Variants in AK9 observed in about 807,000 individuals in gnomAD.
AK9 encodes the protein adenylate kinase 9.
AK9 carries 191 observed loss-of-function variants against 239.6 expected under a neutral mutation model. The observed-to-expected ratio is 0.80, with a 90% CI of 0.71 to 0.90. The LOEUF is 0.90. AK9 is among the 40% of genes least tolerant of loss of function. The pLI, the probability that AK9 is intolerant of heterozygous loss-of-function variation, is 0.00. For missense variants in AK9, 1,995 were observed against 2,214.7 expected, an observed-to-expected ratio of 0.90 and a Z score of 1.99; for synonymous variants, 689 against 721.0, an observed-to-expected ratio of 0.96 and a Z score of 0.71.
chr6:109,672,213 A>G, intron 3 of AK9, 46 bp from the exon 4 acceptor site: 4 of 1,487,584 alleles, frequency 2.7e-6, no homozygotes, highest in Non-Finnish European at 3.7e-6. Context: ...TATTAAGATC[A>G]CCAAAATAAG....
intron 17 of AK9, among the ~76,000 whole-genome samples, chr6:109,600,445 A>G (rs1237784197): frequency 1.3e-5 from 2 of 152,206 alleles, no homozygotes; most frequent in Non-Finnish European, 2.9e-5. Context: ...ATCATGGTGG[A>G]TAAGCTTTTT....
intron 17 of AK9, among the ~76,000 whole-genome samples, chr6:109,586,521 G>A (rs921407344): frequency 6.6e-6 from 1 of 152,174 alleles, no homozygotes; most frequent in Non-Finnish European, 1.5e-5. Context: ...AAGGTCTGGG[G>A]AATGGCCCTA....
At chr6:109,552,092 A>G (rs1350760155) in intron 24 of AK9, among the ~76,000 whole-genome samples, 1 of 152,112 alleles carries the variant, frequency 6.6e-6, no homozygotes, top group Non-Finnish European at 1.5e-5. Context: ...CATGGTATAT[A>G]TATACCACAT....
At chr6:109,687,842 T>C (rs777557615) in intron 1 of AK9, among the ~76,000 whole-genome samples, 4 of 152,224 alleles carry the variant, frequency 2.6e-5, no homozygotes, top group Admixed American at 2.6e-4. Flanking sequence ...CTATGCAGCA[T>C]AGAAAACTAA....
At chr6:109,632,735 C>T (rs1255690735) in intron 12 of AK9, 188 bp downstream of exon 12, 1 of 1,279,054 alleles carries the variant, frequency 7.8e-7, no homozygotes. Context: ...CAATAAACAA[C>T]AAAAAGAATG....
chr6:109,549,979 T>C (rs1784158898), intron 25 of AK9, 111 bp downstream of exon 25: 10 of 1,183,166 alleles, frequency 8.5e-6, no homozygotes, highest in East Asian at 2.5e-5. Flanking sequence ...ATTTTCTTTA[T>C]ATTGTAATAT....
intron 1 of AK9, among the ~76,000 whole-genome samples, chr6:109,682,162 A>C (rs978249154): frequency 6.6e-6 from 1 of 152,214 alleles, no homozygotes; most frequent in Non-Finnish European, 1.5e-5. Flanking sequence ...ATGGTGGCTC[A>C]TGCCTGTAAT....
In AK9 at chr6:109,546,121, G is replaced by T; in HGVS notation, c.2971C>A (p.Pro991Thr). The stretch of plus-strand genomic sequence containing the variant: ...GGGCCGACAAGGCATATTCTTAATG[G>T]AGGAGCCTGTCACAGGGGGTGGGTC... Reference protein sequence around the residue: ...VAHEEPLKAPPLRICLVGPQG... With the variant: ...VAHEEPLKAPTLRICLVGPQG... The change falls in exon 26 of 41, where the codon CCA (proline) becomes ACA (threonine). Residue 991 changes from proline to threonine, a missense_variant. Coordinates refer to ENST00000424296, the MANE Select transcript of AK9 (RefSeq NM_001145128.3). 7.5e-7 allele frequency: 1 copy of T among 1,334,648 alleles called. No homozygotes were observed. Among genetic ancestry groups the T allele is most frequent in the Non-Finnish European group, 1.0e-6 (1 of 992,888 alleles). 82.7% of individuals were successfully genotyped at this position (1,334,648 alleles called of 1,614,324 possible). A position where few individuals can be genotyped will look rare whatever the true frequency, so the allele number is the denominator to read the frequency against.
chr6:109,629,885 G>A (rs144846244), intron 12 of AK9, among the ~76,000 whole-genome samples: 3,207 of 151,838 alleles, frequency 0.021, 100 homozygotes, highest in African/African-American at 0.074. Context: ...TACCCGCCTC[G>A]GCCTCCCAAC....
intron 33 of AK9, among the ~76,000 whole-genome samples, 196 bp downstream of exon 33, chr6:109,508,983 A>G (rs1057336391): frequency 1.3e-5 from 2 of 152,238 alleles, no homozygotes; most frequent in Admixed American, 6.5e-5. Flanking sequence ...CTAATCTGGC[A>G]TGTGAATTTT....
chr6:109,601,832 A>G (rs1792025911), intron 17 of AK9, among the ~76,000 whole-genome samples: 1 of 596 alleles, frequency 1.7e-3, no homozygotes. Flanking sequence ...ACCATTATGC[A>G]ATGACCTTGT....
Position 109,509,301 on chromosome 6 carries a change from G to T in AK9, c.4359C>A (p.His1453Gln). ...ACATAAGTGCCAGCTCTGTTTCCGG[G>T]TGATTGTTTAGTACATAACGCAAAG... ...GGALRYVLNN[H>Q]PETELALMLN... The change falls in exon 33 of 41, where the codon CAC becomes CAA. Residue 1453 changes from histidine to glutamine, a missense_variant. His to Gln is a conservative substitution (Grantham distance 24, BLOSUM62 0). Coordinates refer to ENST00000424296, the MANE Select transcript of AK9 (RefSeq NM_001145128.3). 1.3e-6 allele frequency: 2 copies of T among 1,551,730 alleles called. No homozygotes were observed. The highest frequency in any genetic ancestry group is 1.7e-6 in the Non-Finnish European group (2 of 1,146,992).
intron 27 of AK9, among the ~76,000 whole-genome samples, chr6:109,537,517 A>T (rs13215202): frequency 7.2e-6 from 1 of 138,244 alleles, no homozygotes; most frequent in Admixed American, 7.2e-5. Context: ...TAGTCTTGCT[A>T]GCAGTCTATC....
At chr6:109,640,168 C>T (rs988501219) in intron 10 of AK9, among the ~76,000 whole-genome samples, 2 of 152,072 alleles carry the variant, frequency 1.3e-5, no homozygotes, top group African/African-American at 4.8e-5. Context: ...AACTGTGCTG[C>T]CTCACAGTTC....
chr6:109,587,361 CT>C (rs1270234404), intron 17 of AK9, among the ~76,000 whole-genome samples: 1 of 152,112 alleles, frequency 6.6e-6, no homozygotes, highest in Non-Finnish European at 1.5e-5. Context: ...CCTCATTCAA[CT>C]TTATTTATTT....
intron 17 of AK9, among the ~76,000 whole-genome samples, chr6:109,595,795 G>C (rs1583173051): frequency 6.6e-6 from 1 of 152,222 alleles, no homozygotes; most frequent in African/African-American, 2.4e-5. Flanking sequence ...AGTGGGAGTT[G>C]AACTATGAGA....
intron 5 of AK9, among the ~76,000 whole-genome samples, chr6:109,671,460 A>G (rs1233072764): frequency 6.6e-6 from 1 of 152,236 alleles, no homozygotes; most frequent in Non-Finnish European, 1.5e-5. Flanking sequence ...GTCCAGAGTC[A>G]GAGGGCAGAC....
chr6:109,581,154 C>T (rs1420943163), intron 19 of AK9, among the ~76,000 whole-genome samples: 5 of 152,128 alleles, frequency 3.3e-5, no homozygotes, highest in Non-Finnish European at 7.4e-5. Context: ...GACTCCCTCC[C>T]TCTCCTCAGG....
chr6:109,521,200 A>G (rs1779827397), intron 29 of AK9, among the ~76,000 whole-genome samples: 1 of 152,018 alleles, frequency 6.6e-6, no homozygotes, highest in Non-Finnish European at 1.5e-5. Flanking sequence ...TGTTTTTTCT[A>G]TAGAAACCAG....
Sources: gnomAD v4.1 joint callset for allele counts (sites outside exome capture counted in the v4.1 genomes callset) on GRCh38, gnomAD v4.1.1 for gene constraint, MANE v1.5 for transcripts, NCBI Gene and HGNC (gene_info 2026-07-23, HGNC 2026-07-21) for gene names.